EXD3: variants seen among roughly 807,000 people sequenced by gnomAD.
EXD3 encodes the protein exonuclease 3'-5' domain containing 3.
Under a neutral mutation model 98.0 loss-of-function variants are expected in EXD3, and 92 were observed. The observed-to-expected ratio is 0.94, with a 90% CI of 0.79 to 1.12. EXD3 has a LOEUF of 1.12. Ranked by LOEUF, EXD3 falls within the 50% of genes most tolerant of loss-of-function variation. The probability of loss-of-function intolerance (pLI) is 0.00; values close to 1 mark genes in which losing one functional copy is unlikely to be tolerated. For missense variants in EXD3, 1,222 were observed against 1,191.6 expected, an observed-to-expected ratio of 1.03 and a Z score of -0.38; for synonymous variants, 569 against 526.0, an observed-to-expected ratio of 1.08 and a Z score of -1.12.
chr9:137,307,617 G>A lies in EXD3; in HGVS notation c.2308C>T (p.Gln770Ter). The A allele has an allele frequency of 6.2e-7, 1 of 1,610,140 alleles. No individual in the cohort carries two copies. The highest frequency in any genetic ancestry group is 1.1e-5 in the South Asian group (1 of 91,024). Residue 770 changes from glutamine to a stop codon, truncating the protein, a stop_gained, in exon 21 of 22, where the codon CAG becomes TAG. Transcript: ENST00000340951. LOFTEE classifies it low-confidence loss of function (END_TRUNC). ...GDEATQSQAV[Q>*]EPGPAPDAAP... ...CGGTCCCGGGGCTCACCTGGCTCCT[G>A]CACCGCCTGGCTCTGGGTGGCCTCG...
chr9:137,355,781 G>T (rs1169559938), intron 8 of EXD3, among the ~76,000 whole-genome samples: 3 of 151,966 alleles, frequency 2.0e-5, no homozygotes, highest in Non-Finnish European at 2.9e-5. Context: ...TTCCGGCCAG[G>T]TGCCAGCCTG....
rs1452907027 is a variant in EXD3 at position 137,307,109 on chromosome 9, A to G, written c.2472T>C (p.Pro824=). 3 of 1,607,944 alleles carry G rather than the reference A, an allele frequency of 1.9e-6. No homozygotes were observed. The highest frequency in any genetic ancestry group is 2.5e-6 in the Non-Finnish European group (3 of 1,177,922). The change falls in exon 22 of 22, where the codon CCT becomes CCC. Residue 824 remains proline, a synonymous_variant. Coordinates refer to ENST00000340951, the MANE Select transcript of EXD3 (RefSeq NM_017820.5). ...TGCAGCAGTAGAAGCACCGCAGCCC[A>G]GGTGTCCTCAGCACACCCACCGGGA... ...AGVPVGVLRT[P]GLRCFYCCTG...
chr9:137,362,789 C>G lies in EXD3; in HGVS notation c.656+3704G>C, dbSNP rs908009283. 3.2e-4 allele frequency among the ~76,000 whole-genome samples: 48 copies of G among 152,190 alleles called. 2 individuals carry two copies. The highest frequency in any genetic ancestry group is 1.1e-3 in the African/African-American group (47 of 41,488). On this transcript the variant is annotated intron_variant, in intron 7 of 21. Transcript: ENST00000340951. ...ATATTTTCTCCCAGTCTGTTGGTGT[C>G]TTCTCAGTCTTTGTTGTTGTTGTTT...
intron 1 of EXD3, among the ~76,000 whole-genome samples, chr9:137,411,695 G>GTGGGGGAGGT (rs1838007346): frequency 6.9e-6 from 1 of 144,080 alleles, no homozygotes; most frequent in South Asian, 2.3e-4. Flanking sequence ...GGAGGCGGGG[G>GTGGGGGAGGT]TGGGGGAGGT....
rs1011310146 is a variant in EXD3 at position 137,353,149 on chromosome 9, T to G, written c.871-363A>C. The G allele has an allele frequency of 3.1e-5, 31 of 984,310 alleles. No homozygotes were observed. In the African/African-American group the frequency reaches 3.3e-4, roughly 11 times the overall value. The allele number at this position is 984,310 out of a possible 1,614,324, so 61.0% of individuals were successfully genotyped here. A position where few individuals can be genotyped will look rare whatever the true frequency, so the allele number is the denominator to read the frequency against. On this transcript the variant is annotated intron_variant, in intron 10 of 21. Transcript: ENST00000340951. Reference sequence around the variant, plus strand: ...GCCTCCAAGCCTCCACCGGCCCTCCTGGCCTCCAAGCCTCTGCTGACCTTC... The same window carrying G: ...GCCTCCAAGCCTCCACCGGCCCTCCGGGCCTCCAAGCCTCTGCTGACCTTC...
chr9:137,414,250 C>G (rs1314945642), intron 1 of EXD3, among the ~76,000 whole-genome samples: 3 of 152,226 alleles, frequency 2.0e-5, no homozygotes, highest in African/African-American at 7.2e-5. Flanking sequence ...ACTGACCTCA[C>G]TTGGCATGGT....
In EXD3 at chr9:137,324,322, G is replaced by GTGTC. The variant is rs1269014730; in HGVS notation, c.1999-183_1999-180dup. 2.6e-5 allele frequency among the ~76,000 whole-genome samples: 4 copies of GTGTC among 152,120 alleles called. No individual in the cohort carries two copies. Among genetic ancestry groups the GTGTC allele is most frequent in the African/African-American group, 9.7e-5 (4 of 41,414 alleles). ...TGAGGAGCCCTCTGCCGGGTCCTGG[G>GTGTC]TGTCGCCTCATTGTATAGATTTAAT... On this transcript the variant is annotated intron_variant, in intron 17 of 21. Transcript: ENST00000340951. This position sits in a 1 kb window ranked among gnomAD's most constrained non-coding sequence, Gnocchi z 4.1.
In EXD3 at chr9:137,307,264, C is replaced by A. The variant is rs1831093851; in HGVS notation, c.2318-1G>T. 1 of 1,509,658 alleles carries A rather than the reference C, an allele frequency of 6.6e-7. No homozygotes were observed. The highest frequency in any genetic ancestry group is 2.4e-5 in the East Asian group (1 of 41,660). The allele number at this position is 1,509,658 out of a possible 1,614,324, so 93.5% of individuals were successfully genotyped here. A position where few individuals can be genotyped will look rare whatever the true frequency, so the allele number is the denominator to read the frequency against. ...TCAGGGGCTGCGTCTGGGGCTGGGC[C>A]TGGACAGATAGAAGTGGACTCCCTG... On this transcript the variant is annotated splice_acceptor_variant, in intron 21 of 21. Transcript: ENST00000340951. LOFTEE classifies it high-confidence loss of function.
intron 19 of EXD3, among the ~76,000 whole-genome samples, chr9:137,314,408 G>GC (rs1177480670): frequency 6.6e-6 from 1 of 152,166 alleles, no homozygotes; most frequent in East Asian, 1.9e-4. Flanking sequence ...GGAAGGCCGA[G>GC]CCCCTGGCCC....
chr9:137,309,787 G>A (rs1248693013), intron 19 of EXD3, 87 bp from the exon 20 acceptor site: 2 of 1,001,582 alleles, frequency 2.0e-6, no homozygotes, highest in African/African-American at 3.2e-5. Flanking sequence ...TCGAAGCTCT[G>A]GGTCTGGCCA....
chr9:137,399,423 TTCTC>T (rs1837380163), intron 1 of EXD3, among the ~76,000 whole-genome samples: 1 of 152,234 alleles, frequency 6.6e-6, no homozygotes, highest in Non-Finnish European at 1.5e-5. Context: ...TTACTTTGTC[TTCTC>T]ATCTTTCCTT....
intron 1 of EXD3, among the ~76,000 whole-genome samples, chr9:137,400,562 T>A (rs1455270377): frequency 6.6e-6 from 1 of 152,056 alleles, no homozygotes; most frequent in African/African-American, 2.4e-5. Context: ...GGTCGGGAGT[T>A]TGAGACCAGC....
chr9:137,383,213 A>G (rs1836406942), intron 3 of EXD3, 100 bp downstream of exon 3: 1 of 995,258 alleles, frequency 1.0e-6, no homozygotes, highest in Non-Finnish European at 1.5e-6. Flanking sequence ...GGGGCTGTGC[A>G]GCTTCCTGAC....
intron 1 of EXD3, among the ~76,000 whole-genome samples, chr9:137,414,978 C>A (rs987953164): frequency 6.6e-6 from 1 of 152,098 alleles, no homozygotes; most frequent in Non-Finnish European, 1.5e-5. Flanking sequence ...AGCTTTGCCT[C>A]CAGGGTTCAA....
At chr9:137,400,402 A>T (rs1837420012) in intron 1 of EXD3, among the ~76,000 whole-genome samples, 1 of 152,238 alleles carries the variant, frequency 6.6e-6, no homozygotes, top group South Asian at 2.1e-4. Flanking sequence ...TCTTCCGCCT[A>T]TGAGCCTGTA....
At chr9:137,411,325 C>T (rs1172600436) in intron 1 of EXD3, among the ~76,000 whole-genome samples, 1 of 152,154 alleles carries the variant, frequency 6.6e-6, no homozygotes, top group Non-Finnish European at 1.5e-5. Flanking sequence ...CCCCCGAGCC[C>T]TGGGCATGGG....
At chr9:137,419,888 G>T (rs201717374) in intron 1 of EXD3, among the ~76,000 whole-genome samples, 1 of 152,088 alleles carries the variant, frequency 6.6e-6, no homozygotes, top group Non-Finnish European at 1.5e-5. Context: ...GGCCGGGCGC[G>T]GTGGCTCATG....
intron 10 of EXD3, 155 bp downstream of exon 10, chr9:137,354,184 G>A (rs1444395092): frequency 5.5e-5 from 80 of 1,447,126 alleles, no homozygotes; most frequent in Admixed American, 8.9e-5. Flanking sequence ...CCCTACACCC[G>A]CCTGCCAGCC....
At chr9:137,311,404 G>A (rs376063435) in intron 19 of EXD3, among the ~76,000 whole-genome samples, 23 of 152,352 alleles carry the variant, frequency 1.5e-4, no homozygotes, top group Middle Eastern at 3.4e-3. Context: ...CCACTGTGCA[G>A]GCCACCTGTA....
Sources: gnomAD v4.1 joint callset for allele counts (sites outside exome capture counted in the v4.1 genomes callset) on GRCh38, gnomAD v4.1.1 for gene constraint, Gnocchi (gnomAD v3.1) non-coding constraint, MANE v1.5 for transcripts, NCBI Gene and HGNC (gene_info 2026-07-23, HGNC 2026-07-21) for gene names.